The following RAPGEF1 variants were observed in gnomAD, a reference collection of about 807,000 sequenced individuals.
The protein encoded by RAPGEF1 is CRK SH3-binding GNRP.
A neutral mutation model predicts 143.3 loss-of-function variants in RAPGEF1; 33 were observed. That is an observed-to-expected ratio of 0.23 (90% CI 0.17 to 0.31). The LOEUF is 0.31. Ranked by LOEUF, RAPGEF1 falls within the 10% of genes least tolerant of loss-of-function variation. The pLI is 1.00. For synonymous variants in RAPGEF1, 629 were observed against 676.5 expected (o/e 0.93, Z 1.09); for missense variants, 1,199 against 1,645.4 (o/e 0.73, Z 4.69).
intron 3 of RAPGEF1, among the ~76,000 whole-genome samples, chr9:131,645,521 T>C (rs924539862): frequency 2.0e-5 from 3 of 152,212 alleles, no homozygotes; most frequent in African/African-American, 7.2e-5. Context: ...GAGCCAACAA[T>C]GTAGCACAGC....
At chr9:131,619,009 G>A in intron 12 of RAPGEF1, 42 bp downstream of exon 12, 1 of 1,335,156 alleles carries the variant, frequency 7.5e-7, no homozygotes, top group Non-Finnish European at 9.9e-7. Context: ...GAACGGCCCT[G>A]TTCACGCGTT....
chr9:131,622,163 C>G (rs951290465), intron 10 of RAPGEF1, among the ~76,000 whole-genome samples, 165 bp from the exon 11 acceptor site: 5 of 152,216 alleles, frequency 3.3e-5, no homozygotes, highest in Admixed American at 6.5e-5. Flanking sequence ...AAATCACACT[C>G]TGTCTGATGC....
intron 22 of RAPGEF1, among the ~76,000 whole-genome samples, chr9:131,585,362 A>AGCG (rs10657349): frequency 0.094 from 13,760 of 146,032 alleles, 713 homozygotes; most frequent in Middle Eastern, 0.23. Flanking sequence ...AATTTTTTGT[A>AGCG]GGGGGGGGGC....
Position 131,629,090 on chromosome 9 carries a change from G to C in RAPGEF1, c.893+12C>G. On this transcript the variant is annotated intron_variant, in intron 7 of 26. Coordinates refer to ENST00000683357, the MANE Select transcript of RAPGEF1 (RefSeq NM_001377935.1). The stretch of plus-strand genomic sequence containing the variant: ...GCCATGGGAGGCACTGGACAAATAG[G>C]AAGGTAATTACCTATTATCAACCAC... 6.2e-7 allele frequency: 1 copy of C among 1,610,678 alleles called. No individual in the cohort carries two copies. The highest frequency in any genetic ancestry group is 2.2e-5 in the East Asian group (1 of 44,814).
intron 18 of RAPGEF1, among the ~76,000 whole-genome samples, chr9:131,591,849 T>C (rs985731483): frequency 6.6e-6 from 1 of 152,218 alleles, no homozygotes; most frequent in African/African-American, 2.4e-5. Context: ...ATTCCCAGAC[T>C]ATGTTCCAGC....
At chr9:131,613,842 C>A (rs1440043481) in intron 12 of RAPGEF1, among the ~76,000 whole-genome samples, 5 of 152,158 alleles carry the variant, frequency 3.3e-5, no homozygotes, top group Non-Finnish European at 7.4e-5. Flanking sequence ...CTGGTAGATG[C>A]TAACCCTAAG....
chr9:131,728,808 C>A lies in RAPGEF1; in HGVS notation c.61+10962G>T, dbSNP rs192506088. ...AGTAGAAGGCGACCTGAAGTAAGAA[C>A]AAAAGCTAAGATTTATCGAGCACTT... On this transcript the variant is annotated intron_variant, in intron 1 of 26. Transcript: ENST00000683357. 4.6e-5 allele frequency among the ~76,000 whole-genome samples: 7 copies of A among 152,290 alleles called. No homozygotes were observed. The East Asian group carries it at 1.3e-3, about 29-fold the overall frequency.
Position 131,577,479 on chromosome 9 carries a change from G to A in RAPGEF1, c.*2018C>T, listed in dbSNP as rs1343298967. 1 of 152,314 alleles carries A rather than the reference G, an allele frequency of 6.6e-6. No homozygotes were observed. Among genetic ancestry groups the A allele is most frequent in the African/African-American group, 2.4e-5 (1 of 41,466 alleles). 9.4% of individuals were successfully genotyped at this position (152,314 alleles called of 1,614,324 possible). A position where few individuals can be genotyped will look rare whatever the true frequency, so the allele number is the denominator to read the frequency against. ...TGCTGGAGTGAGAGGCCTGGTTTCT[G>A]AGGCTGCAGCATGGCACTGGCATTG... is the stretch of plus-strand genomic sequence containing the variant. On this transcript the variant is annotated 3_prime_UTR_variant, in exon 27 of 27. Coordinates refer to ENST00000683357, the MANE Select transcript of RAPGEF1 (RefSeq NM_001377935.1).
intron 1 of RAPGEF1, among the ~76,000 whole-genome samples, chr9:131,716,448 A>T (rs1171517632): frequency 1.3e-5 from 2 of 152,188 alleles, no homozygotes; most frequent in Admixed American, 1.3e-4. Context: ...GGAAAGTCTA[A>T]ATATGTAAGG....
intron 1 of RAPGEF1, among the ~76,000 whole-genome samples, chr9:131,728,826 G>A (rs547492306): frequency 2.6e-5 from 4 of 152,266 alleles, no homozygotes; most frequent in African/African-American, 7.2e-5. Context: ...AAGATTTATC[G>A]AGCACTTCTT....
chr9:131,669,278 G>T (rs1038759250), intron 1 of RAPGEF1, among the ~76,000 whole-genome samples: 2 of 152,310 alleles, frequency 1.3e-5, no homozygotes, highest in Admixed American at 1.3e-4. Context: ...TTATCTCCCA[G>T]ACAACAGGGG....
chr9:131,628,638 A>T lies in RAPGEF1; in HGVS notation c.928T>A (p.Ser310Thr). ...GCCACTCGGGTAGGGGACGGCGCCG[A>T]CTGTCTTTTCTTGGGTGGCAATGCT... ...PPALPPKKRQ[S>T]APSPTRVAVV... is the part of the protein sequence containing the mutation. Residue 310 changes from serine (S) to threonine (T), a missense_variant, in exon 8 of 27, where the codon TCG becomes ACG. Ser to Thr is a moderately conservative substitution (Grantham distance 58). Coordinates refer to ENST00000683357, the MANE Select transcript of RAPGEF1 (RefSeq NM_001377935.1). This position sits in a 1 kb window ranked among gnomAD's most constrained non-coding sequence, Gnocchi z 5.7. The T allele has an allele frequency of 6.2e-7, 1 of 1,610,218 alleles. No homozygotes were observed. Among genetic ancestry groups the T allele is most frequent in the Non-Finnish European group, 8.5e-7 (1 of 1,176,922 alleles).
At chr9:131,704,415 C>A (rs1425027680) in intron 1 of RAPGEF1, among the ~76,000 whole-genome samples, 1 of 151,946 alleles carries the variant, frequency 6.6e-6, no homozygotes, top group African/African-American at 2.4e-5. Context: ...CCCAGCCCCA[C>A]CTGGGCCTGC....
chr9:131,695,355 A>T (rs1393913735), intron 1 of RAPGEF1, among the ~76,000 whole-genome samples: 1 of 152,170 alleles, frequency 6.6e-6, no homozygotes, highest in Non-Finnish European at 1.5e-5. Context: ...TGTCTTCCCA[A>T]AGCAGGCCAC....
chr9:131,662,512 C>T (rs1217117764), intron 1 of RAPGEF1, among the ~76,000 whole-genome samples: 3 of 151,938 alleles, frequency 2.0e-5, no homozygotes. Flanking sequence ...GGACTACAGG[C>T]ATGCGCCACT....
At chr9:131,589,799 G>T (rs2132255922) in intron 19 of RAPGEF1, 87 bp downstream of exon 19, 1 of 1,308,718 alleles carries the variant, frequency 7.6e-7, no homozygotes, top group Non-Finnish European at 1.1e-6. Context: ...AGCCAGCTCT[G>T]CCCAGAGCCG....
chr9:131,736,894 C>T (rs1837453462), intron 1 of RAPGEF1, among the ~76,000 whole-genome samples: 1 of 152,110 alleles, frequency 6.6e-6, no homozygotes, highest in African/African-American at 2.4e-5. Context: ...CTAAGGGCCT[C>T]TCCTCTGAAT....
In RAPGEF1 at chr9:131,577,523, AC is replaced by A. The variant is rs1438230607; in HGVS notation, c.*1973del. 1.3e-5 allele frequency: 2 copies of A among 152,114 alleles called. No individual in the cohort carries two copies. Among genetic ancestry groups the A allele is most frequent in the African/African-American group, 4.8e-5 (2 of 41,392 alleles). The allele number at this position is 152,114 out of a possible 1,614,324, so 9.4% of individuals were successfully genotyped here. Reference sequence around the variant, plus strand: ...GGCATTGCCTGTGCTACAGATGGGGACTCCTGCGAGTCTCACAAATACAGGG... The same window carrying A: ...GGCATTGCCTGTGCTACAGATGGGGATCCTGCGAGTCTCACAAATACAGGG... On this transcript the variant is annotated 3_prime_UTR_variant, in exon 27 of 27. Coordinates refer to ENST00000683357, the MANE Select transcript of RAPGEF1 (RefSeq NM_001377935.1).
At chr9:131,672,581 C>T (rs1006657470) in intron 1 of RAPGEF1, among the ~76,000 whole-genome samples, 2 of 152,142 alleles carry the variant, frequency 1.3e-5, no homozygotes, top group South Asian at 4.1e-4. Context: ...CTGAGGGAAC[C>T]GGTTGAGCTA....
Sources: gnomAD v4.1 joint callset for allele counts (sites outside exome capture counted in the v4.1 genomes callset) on GRCh38, gnomAD v4.1.1 for gene constraint, Gnocchi (gnomAD v3.1) non-coding constraint, MANE v1.5 for transcripts, NCBI Gene and HGNC (gene_info 2026-07-23, HGNC 2026-07-21) for gene names.